Variants in PPM1B observed in about 807,000 individuals in gnomAD.
PPM1B encodes the protein protein phosphatase, Mg2+/Mn2+ dependent 1B.
In PPM1B, 22 loss-of-function variants were observed where a neutral mutation model predicts 43.0. The ratio of observed to expected loss-of-function variants is 0.51; its 90% CI spans 0.37 to 0.73. PPM1B has a LOEUF of 0.73. Among genes scored for constraint, PPM1B ranks in the 30% least tolerant of loss-of-function variants. The probability of loss-of-function intolerance (pLI) is 0.00; values close to 1 mark genes in which losing one functional copy is unlikely to be tolerated. For missense variants in PPM1B, 632 were observed against 584.2 expected (o/e 1.08, Z -0.84); for synonymous variants, 217 against 197.9 (o/e 1.10, Z -0.81).
At chr2:44,193,489 GC>G (rs1668504870) in intron 1 of PPM1B, among the ~76,000 whole-genome samples, 1 of 151,840 alleles carries the variant, frequency 6.6e-6, no homozygotes, top group East Asian at 1.9e-4. Flanking sequence ...GAACTCCTGG[GC>G]TAAGGCAGTC....
chr2:44,183,021 T>C lies in PPM1B; in HGVS notation c.-15+13747T>C, dbSNP rs551983394. On this transcript the variant is annotated intron_variant, in intron 1 of 5. Coordinates refer to ENST00000282412, the MANE Select transcript of PPM1B (RefSeq NM_002706.6). ...TGCAGAATTCCCTTTCAGTTTTAGC[T>C]GTTACTAGATTATCCTGTCACACTT... Among the ~76,000 whole-genome samples, 7 of 152,362 alleles carry C rather than the reference T, an allele frequency of 4.6e-5. 1 individual carries two copies. In the South Asian group the frequency reaches 1.4e-3, roughly 32 times the overall value.
At chr2:44,183,326 A>T (rs962901565) in intron 1 of PPM1B, among the ~76,000 whole-genome samples, 1 of 152,248 alleles carries the variant, frequency 6.6e-6, no homozygotes, top group Non-Finnish European at 1.5e-5. Flanking sequence ...CGATGAAATC[A>T]GACCATTTAG....
Position 44,231,125 on chromosome 2 carries a change from A to G in PPM1B, c.*407A>G, listed in dbSNP as rs961489633. On this transcript the variant is annotated 3_prime_UTR_variant, in exon 6 of 6. Coordinates refer to ENST00000282412, the MANE Select transcript of PPM1B (RefSeq NM_002706.6). Reference sequence around the variant, plus strand: ...GTACACTCATAGTTAGCTTTGTAATAAATTTATGTTTTCTTTAATAATTTT... The same window carrying G: ...GTACACTCATAGTTAGCTTTGTAATGAATTTATGTTTTCTTTAATAATTTT... 7 of 935,190 alleles carry G rather than the reference A, an allele frequency of 7.5e-6. No homozygotes were observed. The highest frequency in any genetic ancestry group is 6.2e-5 in the Admixed American group (1 of 16,228). The allele number at this position is 935,190 out of a possible 1,614,324, so 57.9% of individuals were successfully genotyped here. A position where few individuals can be genotyped will look rare whatever the true frequency, so the allele number is the denominator to read the frequency against.
intron 2 of PPM1B, among the ~76,000 whole-genome samples, chr2:44,205,364 T>TCGGGGG (rs141707967): frequency 3.0e-5 from 3 of 100,436 alleles, no homozygotes; most frequent in African/African-American, 1.3e-4. Context: ...GGTGTGTGTG[T>TCGGGGG]GTGTGTGTGT....
rs60750702 is a variant in PPM1B, at chr2:44,226,735, CTTTTTTTTTTT to C, written c.1135-3664_1135-3654del. On this transcript the variant is annotated intron_variant, in intron 5 of 5. Transcript: ENST00000282412. ...TTTTAATAAAATGGTAGGTTTTTAT[CTTTTTTTTTTT>C]TTTTTTTTTTTTTGGTTTGGGGGTT... Among the ~76,000 whole-genome samples the C allele has an allele frequency of 1.8e-4, 12 of 66,692 alleles. 1 individual carries two copies. Among genetic ancestry groups the C allele is most frequent in the South Asian group, 1.4e-3 (2 of 1,410 alleles). The allele number at this position is 66,692 out of a possible 152,430, so 43.8% of individuals were successfully genotyped here.
At chr2:44,214,084 G>T (rs1168232709) in intron 3 of PPM1B, among the ~76,000 whole-genome samples, 1 of 152,048 alleles carries the variant, frequency 6.6e-6, no homozygotes, top group African/African-American at 2.4e-5. Context: ...CAACCATAGA[G>T]TTTTTTGTTT....
In PPM1B at chr2:44,231,296, TTC is replaced by T. The variant is rs1193564994; in HGVS notation, c.*582_*583del. ...TATTGGATGTGTGGCTATTTTTCCT[TTC>T]TCTGTATTCTTTATGAAACATAACT... On this transcript the variant is annotated 3_prime_UTR_variant, in exon 6 of 6. Transcript: ENST00000282412. 1 of 979,172 alleles carries T rather than the reference TTC, an allele frequency of 1.0e-6. No homozygotes were observed. Among genetic ancestry groups the T allele is most frequent in the Non-Finnish European group, 1.2e-6 (1 of 824,324 alleles). The allele number at this position is 979,172 out of a possible 1,614,324, so 60.7% of individuals were successfully genotyped here.
At chr2:44,225,130 C>G (rs148126568) in intron 5 of PPM1B, among the ~76,000 whole-genome samples, 12 of 152,264 alleles carry the variant, frequency 7.9e-5, no homozygotes, top group Non-Finnish European at 2.9e-5. Context: ...GGAATCCTTA[C>G]TTTGTAGGGT....
chr2:44,245,079 A>G (rs1572772541), downstream of PPM1B, among the ~76,000 whole-genome samples: 1 of 152,104 alleles, frequency 6.6e-6, no homozygotes, highest in African/African-American at 2.4e-5. Context: ...ATATGCCAAA[A>G]TAAACTACAT....
At chr2:44,218,769 C>A in intron 5 of PPM1B, 1 of 458,238 alleles carries the variant, frequency 2.2e-6, no homozygotes, top group Non-Finnish European at 4.0e-6. Flanking sequence ...ATCAAATGAC[C>A]TTTTTTGTTT....
intron 2 of PPM1B, among the ~76,000 whole-genome samples, chr2:44,207,214 CA>C (rs1669231003): frequency 6.6e-6 from 1 of 152,112 alleles, no homozygotes; most frequent in African/African-American, 2.4e-5. Flanking sequence ...TATTCAAGGC[CA>C]CCTGTCTTTT....
At chr2:44,236,425 A>AAAAAAAAAAAAAAAAC, downstream of PPM1B, among the ~76,000 whole-genome samples, 1 of 146,380 alleles carries the variant, frequency 6.8e-6, no homozygotes, top group African/African-American at 2.5e-5. Context: ...AAAAAAAAAA[A>AAAAAAAAAAAAAAAAC]AAGTTGTAAT....
chr2:44,187,704 T>C (rs1668190411), intron 1 of PPM1B, among the ~76,000 whole-genome samples: 1 of 152,216 alleles, frequency 6.6e-6, no homozygotes, highest in African/African-American at 2.4e-5. Flanking sequence ...ATTTCTGGAA[T>C]ATTTGGTCCA....
In PPM1B at chr2:44,220,321, C is replaced by A. The variant is rs549538499; in HGVS notation, c.1134+1784C>A. On this transcript the variant is annotated intron_variant, in intron 5 of 5. Transcript: ENST00000282412. Reference sequence around the variant, plus strand: ...TGGGGTCCTTCATAGTCTATTTTTACTCCAAACAAGGTTTTCTGTTTAACA... The same window carrying A: ...TGGGGTCCTTCATAGTCTATTTTTAATCCAAACAAGGTTTTCTGTTTAACA... Among the ~76,000 whole-genome samples, 14 of 151,292 alleles carry A rather than the reference C, an allele frequency of 9.3e-5. No homozygotes were observed. The South Asian group carries it at 2.9e-3, about 32-fold the overall frequency.
chr2:44,205,128 T>C (rs950442289), intron 2 of PPM1B, among the ~76,000 whole-genome samples: 3 of 152,188 alleles, frequency 2.0e-5, no homozygotes, highest in African/African-American at 7.2e-5. Flanking sequence ...GATACATACT[T>C]ATTAATCCTC....
chr2:44,209,581 A>G (rs1669359324), intron 3 of PPM1B: 2 of 341,202 alleles, frequency 5.9e-6, no homozygotes, highest in Non-Finnish European at 1.1e-5. Flanking sequence ...GATCGACACC[A>G]TCCTGGCTAC....
intron 2 of PPM1B, among the ~76,000 whole-genome samples, chr2:44,206,665 T>C (rs1332998617): frequency 5.9e-5 from 9 of 152,328 alleles, no homozygotes; most frequent in Non-Finnish European, 1.3e-4. Context: ...TCTAAAAGTG[T>C]AAGGTGTTAA....
At chr2:44,184,261 A>T (rs548094036) in intron 1 of PPM1B, among the ~76,000 whole-genome samples, 14 of 152,294 alleles carry the variant, frequency 9.2e-5, no homozygotes, top group Middle Eastern at 3.4e-3. Context: ...TTTTGATAGG[A>T]CATTGACCTG....
At chr2:44,215,399 A>C (rs560211920) in intron 3 of PPM1B, among the ~76,000 whole-genome samples, 1 of 152,160 alleles carries the variant, frequency 6.6e-6, no homozygotes, top group Non-Finnish European at 1.5e-5. Flanking sequence ...TTGGTGTTAC[A>C]GTGAGCTATG....
Sources: gnomAD v4.1 joint callset for allele counts (sites outside exome capture counted in the v4.1 genomes callset) on GRCh38, gnomAD v4.1.1 for gene constraint, MANE v1.5 for transcripts, NCBI Gene and HGNC (gene_info 2026-07-23, HGNC 2026-07-21) for gene names.